CAVIN4: variants seen among roughly 807,000 people sequenced by gnomAD.
CAVIN4 encodes the protein caveolae-associated protein 4.
Under a neutral mutation model 18.6 loss-of-function variants are expected in CAVIN4, and 10 were observed. The ratio of observed to expected loss-of-function variants is 0.54; its 90% CI spans 0.33 to 0.91. The LOEUF is 0.91. CAVIN4 is among the 40% of genes least tolerant of loss of function. The pLI, the probability that CAVIN4 is intolerant of heterozygous loss-of-function variation, is 0.02. For missense variants in CAVIN4, 459 were observed against 440.5 expected, an observed-to-expected ratio of 1.04 and a Z score of -0.38; for synonymous variants, 173 against 164.8, an observed-to-expected ratio of 1.05 and a Z score of -0.38.
chr9:100,580,870 G>A (rs1407383070), intron 1 of CAVIN4, among the ~76,000 whole-genome samples: 2 of 152,180 alleles, frequency 1.3e-5, no homozygotes, highest in Non-Finnish European at 2.9e-5. Context: ...CTGATTCAAA[G>A]ATTCATTAGA....
Position 100,578,432 on chromosome 9 carries a change from A to T in CAVIN4, c.289A>T (p.Ser97Cys), listed in dbSNP as rs1326842814. 2 of 1,614,170 alleles carry T rather than the reference A, an allele frequency of 1.2e-6. No individual in the cohort carries two copies. The highest frequency in any genetic ancestry group is 4.5e-5 in the East Asian group (2 of 44,890). Residue 97 changes from serine to cysteine, a missense_variant, in exon 1 of 2, where the codon AGT (serine) becomes TGT (cysteine). Transcript: ENST00000307584. Reference sequence around the variant, plus strand: ...ATTGTTTGAGAAAACCCGAAAAGTTAGTGCTCACATTAAAGATGTGAAAGC... The same window carrying T: ...ATTGTTTGAGAAAACCCGAAAAGTTTGTGCTCACATTAAAGATGTGAAAGC... Reference protein sequence around the residue: ...NKLFEKTRKVSAHIKDVKARV... With the variant: ...NKLFEKTRKVCAHIKDVKARV...
chr9:100,583,542 T>G (rs1467345436), intron 1 of CAVIN4, among the ~76,000 whole-genome samples: 2 of 152,204 alleles, frequency 1.3e-5, no homozygotes, highest in Non-Finnish European at 2.9e-5. Flanking sequence ...TTCTTGCCCC[T>G]ACACCCTGTT....
At chr9:100,583,720 C>G (rs527373634) in intron 1 of CAVIN4, among the ~76,000 whole-genome samples, 2 of 152,314 alleles carry the variant, frequency 1.3e-5, no homozygotes, top group East Asian at 3.9e-4. Context: ...AATCTCAGCT[C>G]ACTGCAACCT....
rs749957630 is a variant in CAVIN4 at position 100,586,044 on chromosome 9, A to G, written c.688A>G (p.Arg230Gly). 2 of 1,614,018 alleles carry G rather than the reference A, an allele frequency of 1.2e-6. No individual in the cohort carries two copies. Among genetic ancestry groups the G allele is most frequent in the Non-Finnish European group, 8.5e-7 (1 of 1,180,020 alleles). Residue 230 changes from arginine to glycine, a missense_variant, in exon 2 of 2, where the codon AGG becomes GGG. Arg to Gly is a moderately radical substitution (Grantham distance 125). Transcript: ENST00000307584. ...TAGAACTAGAATAGTGACCCCGGAG[A>G]GGAGAGAGAGGCTAAGGCAGTCAGG... is the stretch of plus-strand genomic sequence containing the variant. Reference protein sequence around the residue: ...RIRTRIVTPERRERLRQSGER... With the variant: ...RIRTRIVTPEGRERLRQSGER...
intron 1 of CAVIN4, among the ~76,000 whole-genome samples, chr9:100,579,230 G>C (rs904658592): frequency 6.6e-6 from 1 of 152,024 alleles, no homozygotes; most frequent in Non-Finnish European, 1.5e-5. Context: ...ATTGTGTATT[G>C]AGCTAAGTTC....
Position 100,579,155 on chromosome 9 carries a change from G to A in CAVIN4, c.408+604G>A, listed in dbSNP as rs149294306. Among the ~76,000 whole-genome samples the A allele has an allele frequency of 4.2e-3, 637 of 152,182 alleles. 6 individuals carry two copies. Among genetic ancestry groups the A allele is most frequent in the African/African-American group, 0.014 (601 of 41,538 alleles). ...TACAAATATATGAGTCACATAAGTA[G>A]TTTCCTATGTTTGATTACAAAGTCT... On this transcript the variant is annotated intron_variant, in intron 1 of 1. Transcript: ENST00000307584.
Position 100,586,556 on chromosome 9 carries a change from A to AT in CAVIN4, c.*113dup, listed in dbSNP as rs112393331. On this transcript the variant is annotated 3_prime_UTR_variant, in exon 2 of 2. Coordinates refer to ENST00000307584, the MANE Select transcript of CAVIN4 (RefSeq NM_001018116.2). Reference sequence around the variant, plus strand: ...GTGCCATGTAGGAAAACATAAATGTATTTTTTTTCTTATATTTAAAATCTT... The same window carrying AT: ...GTGCCATGTAGGAAAACATAAATGTATTTTTTTTTCTTATATTTAAAATCTT... 27 of 741,654 alleles carry AT rather than the reference A, an allele frequency of 3.6e-5. No homozygotes were observed. The highest frequency in any genetic ancestry group is 6.3e-5 in the Admixed American group (2 of 31,904). 45.9% of individuals were successfully genotyped at this position (741,654 alleles called of 1,614,324 possible).
In CAVIN4 at chr9:100,586,554, G is replaced by A. The variant is rs1839483063; in HGVS notation, c.*103G>A. 4 of 765,304 alleles carry A rather than the reference G, an allele frequency of 5.2e-6. No homozygotes were observed. Among genetic ancestry groups the A allele is most frequent in the Non-Finnish European group, 8.0e-6 (4 of 502,004 alleles). The allele number at this position is 765,304 out of a possible 1,614,324, so 47.4% of individuals were successfully genotyped here. A position where few individuals can be genotyped will look rare whatever the true frequency, so the allele number is the denominator to read the frequency against. Reference sequence around the variant, plus strand: ...CTGTGCCATGTAGGAAAACATAAATGTATTTTTTTTCTTATATTTAAAATC... The same window carrying A: ...CTGTGCCATGTAGGAAAACATAAATATATTTTTTTTCTTATATTTAAAATC... On this transcript the variant is annotated 3_prime_UTR_variant, in exon 2 of 2. Transcript: ENST00000307584.
Position 100,588,358 on chromosome 9 carries a change from TAAG to T in CAVIN4, c.*1910_*1912del, listed in dbSNP as rs1290743482. 1.3e-5 allele frequency among the ~76,000 whole-genome samples: 2 copies of T among 152,218 alleles called. No individual in the cohort carries two copies. Among genetic ancestry groups the T allele is most frequent in the Admixed American group, 6.5e-5 (1 of 15,286 alleles). On this transcript the variant is annotated 3_prime_UTR_variant, in exon 2 of 2. Transcript: ENST00000307584. ...TTGGGTGCCTAATCACATATTTTCTTAAGAACCATAATAAATTTGAATTTAAGA... is the reference window on the plus strand; with the variant it reads ...TTGGGTGCCTAATCACATATTTTCTTAACCATAATAAATTTGAATTTAAGA...
intron 1 of CAVIN4, among the ~76,000 whole-genome samples, chr9:100,581,617 CT>C (rs1200505248): frequency 6.6e-6 from 1 of 152,096 alleles, no homozygotes; most frequent in Non-Finnish European, 1.5e-5. Flanking sequence ...GTAACAAGTA[CT>C]TTTTTCTGAC....
At chr9:100,582,173 A>G (rs1218190252) in intron 1 of CAVIN4, among the ~76,000 whole-genome samples, 2 of 151,906 alleles carry the variant, frequency 1.3e-5, no homozygotes, top group Non-Finnish European at 2.9e-5. Flanking sequence ...AAATCTCATG[A>G]TTTTTCAACT....
upstream of CAVIN4, chr9:100,578,036 G>T: frequency 9.3e-7 from 1 of 1,070,878 alleles, no homozygotes; most frequent in South Asian, 1.3e-5. Flanking sequence ...CTAGGGGTGG[G>T]GTTTCCAACT....
intron 1 of CAVIN4, among the ~76,000 whole-genome samples, chr9:100,579,315 G>A (rs900250586): frequency 1.3e-5 from 2 of 152,044 alleles, no homozygotes; most frequent in African/African-American, 2.4e-5. Flanking sequence ...AATATCTATG[G>A]TATATTTTCA....
intron 1 of CAVIN4, 35 bp downstream of exon 1, chr9:100,578,586 A>G: frequency 2.5e-6 from 4 of 1,606,556 alleles, no homozygotes; most frequent in South Asian, 2.2e-5. Flanking sequence ...TGCTTGTTCT[A>G]ATCTCTTGCA....
upstream of CAVIN4, chr9:100,577,288 A>G (rs1839369343): frequency 6.6e-6 from 1 of 152,642 alleles, no homozygotes; most frequent in African/African-American, 2.4e-5. Context: ...CAGTTAAACT[A>G]CTTTAATACA....
In CAVIN4 at chr9:100,586,766, G is replaced by C. The variant is rs1430207052; in HGVS notation, c.*315G>C. 5.0e-6 allele frequency: 1 copy of C among 198,556 alleles called. No homozygotes were observed. The highest frequency in any genetic ancestry group is 1.0e-5 in the Non-Finnish European group (1 of 98,026). The allele number at this position is 198,556 out of a possible 1,614,324, so 12.3% of individuals were successfully genotyped here. A position where few individuals can be genotyped will look rare whatever the true frequency, so the allele number is the denominator to read the frequency against. ...TTGGTTAGGATTAATATTGTGGCCA[G>C]CCTCAAAGGGGAATAACTCATGTGT... On this transcript the variant is annotated 3_prime_UTR_variant, in exon 2 of 2. Transcript: ENST00000307584.
chr9:100,578,864 G>A (rs1474643568), intron 1 of CAVIN4, among the ~76,000 whole-genome samples: 1 of 152,136 alleles, frequency 6.6e-6, no homozygotes, highest in East Asian at 1.9e-4. Context: ...TTAGCATGAA[G>A]CCCTCTCATA....
chr9:100,585,874 C>T lies in CAVIN4; in HGVS notation c.518C>T (p.Ser173Leu), dbSNP rs1304447896. ...TTTGATCCCCCAGTAGATCTGTCTT[C>T]GGATGAAGAATATTATGTTGAAGAA... ...DIFDPPVDLSSDEEYYVEESR... is the reference protein window; with the variant it reads ...DIFDPPVDLSLDEEYYVEESR... The change falls in exon 2 of 2, where the codon TCG (serine) becomes TTG (leucine). Residue 173 changes from serine to leucine, a missense_variant. By Grantham distance (145) the Ser-to-Leu change is moderately radical (BLOSUM62 -2). Transcript: ENST00000307584. 9.3e-6 allele frequency: 15 copies of T among 1,613,956 alleles called. No homozygotes were observed. Among genetic ancestry groups the T allele is most frequent in the African/African-American group, 2.7e-5 (2 of 74,878 alleles).
intron 1 of CAVIN4, among the ~76,000 whole-genome samples, chr9:100,582,362 A>G (rs1165007142): frequency 6.6e-6 from 1 of 151,082 alleles, no homozygotes; most frequent in Non-Finnish European, 1.5e-5. Flanking sequence ...CTCTCTTTTA[A>G]AGAGACAGGG....
Sources: gnomAD v4.1 joint callset for allele counts (sites outside exome capture counted in the v4.1 genomes callset) on GRCh38, gnomAD v4.1.1 for gene constraint, MANE v1.5 for transcripts, NCBI Gene and HGNC (gene_info 2026-07-23, HGNC 2026-07-21) for gene names.